The following SLIT3 variants were observed in gnomAD, a reference collection of about 807,000 sequenced individuals.
The protein encoded by SLIT3 is slit homolog 3 protein.
Under a neutral mutation model 184.0 loss-of-function variants are expected in SLIT3, and 68 were observed. The ratio of observed to expected loss-of-function variants is 0.37; its 90% CI spans 0.30 to 0.45. The LOEUF (loss-of-function observed/expected upper bound fraction) is 0.45. Ranked by LOEUF, SLIT3 falls within the 20% of genes least tolerant of loss-of-function variation. SLIT3 has a pLI of 1.00. For missense variants in SLIT3, 1,707 were observed against 2,026.0 expected (o/e 0.84, Z 3.02); for synonymous variants, 831 against 828.6 (o/e 1.00, Z -0.05).
chr5:168,926,964 T>C (rs1213300677), intron 4 of SLIT3, among the ~76,000 whole-genome samples: 3 of 152,176 alleles, frequency 2.0e-5, no homozygotes, highest in Non-Finnish European at 4.4e-5. Context: ...AACAGAATGG[T>C]GGTTCTTCAA....
rs183437798 is a variant in SLIT3 at position 169,044,321 on chromosome 5, C to T, written c.413+149158G>A. Among the ~76,000 whole-genome samples, 7 of 152,210 alleles carry T rather than the reference C, an allele frequency of 4.6e-5. No individual in the cohort carries two copies. The East Asian group carries it at 1.2e-3, about 25-fold the overall frequency. On this transcript the variant is annotated intron_variant, in intron 4 of 35. Transcript: ENST00000519560. ...TAATACAACTGAAAACATACATGCA[C>T]ACAGAAACTTGCATATCATTGTTCA...
intron 23 of SLIT3, among the ~76,000 whole-genome samples, chr5:168,715,663 CATTTT>C (rs1262457531): frequency 1.2e-4 from 18 of 152,248 alleles, no homozygotes; most frequent in Non-Finnish European, 8.8e-5. Flanking sequence ...GGCAGAGGTA[CATTTT>C]ATTTTTTATT....
intron 5 of SLIT3, among the ~76,000 whole-genome samples, chr5:168,878,032 C>T (rs955363842): frequency 5.3e-5 from 8 of 152,148 alleles, no homozygotes; most frequent in African/African-American, 1.9e-4. Flanking sequence ...TGCCTTTGCC[C>T]AGTACCTAGC....
chr5:168,934,876 T>C (rs1436977052), intron 4 of SLIT3, among the ~76,000 whole-genome samples: 4 of 151,344 alleles, frequency 2.6e-5, no homozygotes, highest in Non-Finnish European at 4.4e-5. Context: ...ACGCCTGTAA[T>C]TCCAGCACTT....
At chr5:168,736,849 TGG>T (rs139847724) in intron 20 of SLIT3, among the ~76,000 whole-genome samples, 1 of 152,216 alleles carries the variant, frequency 6.6e-6, no homozygotes, top group African/African-American at 2.4e-5. Flanking sequence ...CAGATGGACC[TGG>T]GCTTGAGTCT....
At chr5:168,806,382 G>A in intron 9 of SLIT3, 64 bp downstream of exon 9, 2 of 1,588,696 alleles carry the variant, frequency 1.3e-6, no homozygotes, top group South Asian at 2.2e-5. Flanking sequence ...GTGGGTGATG[G>A]GCTGGGACAG....
chr5:169,271,584 G>A (rs540047377), intron 1 of SLIT3, among the ~76,000 whole-genome samples: 61 of 152,116 alleles, frequency 4.0e-4, no homozygotes, highest in Non-Finnish European at 7.5e-4. Context: ...CAATTTCACC[G>A]CAACATATTC....
At chr5:168,972,947 G>A (rs1185642387) in intron 4 of SLIT3, among the ~76,000 whole-genome samples, 2 of 152,282 alleles carry the variant, frequency 1.3e-5, no homozygotes, top group African/African-American at 2.4e-5. Flanking sequence ...CTCTTTAGGT[G>A]TAAGTTCCTG....
intron 4 of SLIT3, among the ~76,000 whole-genome samples, chr5:169,080,584 G>T (rs1036941688): frequency 1.3e-5 from 2 of 152,176 alleles, no homozygotes; most frequent in Non-Finnish European, 2.9e-5. Context: ...TATAAAGCAC[G>T]TGGTAGATGC....
chr5:168,705,592 C>A (rs1762352155), intron 26 of SLIT3, among the ~76,000 whole-genome samples: 1 of 152,148 alleles, frequency 6.6e-6, no homozygotes, highest in Non-Finnish European at 1.5e-5. Context: ...GCACCCTAGA[C>A]CTGCCTGGGC....
chr5:168,827,093 T>TC (rs1280935683), intron 6 of SLIT3, among the ~76,000 whole-genome samples: 1 of 152,194 alleles, frequency 6.6e-6, no homozygotes, highest in African/African-American at 2.4e-5. Context: ...CCTCCAATTA[T>TC]CCCACGAGGC....
At chr5:168,791,827 G>A (rs1756382557) in intron 10 of SLIT3, 1 of 152,136 alleles carries the variant, frequency 6.6e-6, no homozygotes, top group Admixed American at 6.5e-5. Context: ...TGGATCTCTT[G>A]AACTTACTTC....
intron 4 of SLIT3, among the ~76,000 whole-genome samples, chr5:169,058,984 T>C (rs1758094757): frequency 6.6e-6 from 1 of 152,096 alleles, no homozygotes; most frequent in Non-Finnish European, 1.5e-5. Context: ...CGTTGCAGTG[T>C]CCAAAGCCAG....
intron 26 of SLIT3, among the ~76,000 whole-genome samples, chr5:168,706,248 C>CGTACAT (rs1228170672): frequency 1.3e-5 from 2 of 152,118 alleles, no homozygotes; most frequent in African/African-American, 4.8e-5. Flanking sequence ...TAGTGTATTG[C>CGTACAT]GTACATTACT....
chr5:168,995,660 T>C (rs1281102886), intron 4 of SLIT3: 2 of 152,218 alleles, frequency 1.3e-5, no homozygotes, highest in Non-Finnish European at 2.9e-5. Flanking sequence ...TAAACGGTTT[T>C]CATTGGTCAG....
chr5:169,112,656 G>A (rs1760455275), intron 4 of SLIT3, among the ~76,000 whole-genome samples: 1 of 152,020 alleles, frequency 6.6e-6, no homozygotes, highest in African/African-American at 2.4e-5. Context: ...CCTTCTCTGA[G>A]CCCTGGGGAG....
intron 5 of SLIT3, among the ~76,000 whole-genome samples, chr5:168,860,863 C>T (rs748849015): frequency 4.6e-5 from 7 of 152,182 alleles, no homozygotes; most frequent in Admixed American, 3.9e-4. Context: ...CCAGCTTTCC[C>T]CTTGCTCCTG....
chr5:169,055,606 C>T (rs1335778113), intron 4 of SLIT3, among the ~76,000 whole-genome samples: 3 of 152,112 alleles, frequency 2.0e-5, no homozygotes, highest in Admixed American at 6.5e-5. Flanking sequence ...CTTTGGGAGG[C>T]CAAGGCGGGT....
At chr5:169,168,542 T>C (rs541497793) in intron 4 of SLIT3, among the ~76,000 whole-genome samples, 2 of 152,306 alleles carry the variant, frequency 1.3e-5, no homozygotes, top group East Asian at 3.9e-4. Flanking sequence ...ACATGCAGCA[T>C]CTCATTTAAT....
Sources: allele counts gnomAD v4.1 joint callset (sites outside exome capture counted in the v4.1 genomes callset), GRCh38; gene constraint gnomAD v4.1.1; transcripts MANE v1.5; gene names NCBI Gene and HGNC (gene_info 2026-07-23, HGNC 2026-07-21).